Variants in TMC2 observed in about 807,000 individuals in gnomAD.
TMC2 encodes transmembrane channel-like protein 2.
Under a neutral mutation model 105.9 loss-of-function variants are expected in TMC2, and 102 were observed. The observed-to-expected ratio is 0.96, with a 90% CI of 0.82 to 1.14. The LOEUF is 1.14. Among genes scored for constraint, TMC2 ranks in the 50% most tolerant of loss-of-function variants. The probability of loss-of-function intolerance (pLI) is 0.00; values close to 1 mark genes in which losing one functional copy is unlikely to be tolerated. For missense variants in TMC2, 1,093 were observed against 1,134.3 expected, an observed-to-expected ratio of 0.96 and a Z score of 0.52; for synonymous variants, 402 against 422.8, an observed-to-expected ratio of 0.95 and a Z score of 0.60.
At chr20:2,594,330 T>C (rs1007743313) in intron 8 of TMC2, among the ~76,000 whole-genome samples, 3 of 149,038 alleles carry the variant, frequency 2.0e-5, no homozygotes, top group Non-Finnish European at 4.4e-5. Context: ...CAGGTTCAAG[T>C]GATTCTCCTG....
intron 2 of TMC2, among the ~76,000 whole-genome samples, chr20:2,537,839 A>T (rs1443382804): frequency 6.6e-6 from 1 of 152,062 alleles, no homozygotes; most frequent in African/African-American, 2.4e-5. Flanking sequence ...CTTGGTTGAG[A>T]CTGAGGGTTC....
intron 2 of TMC2, among the ~76,000 whole-genome samples, chr20:2,542,306 C>T (rs917296796): frequency 6.6e-6 from 1 of 152,032 alleles, no homozygotes; most frequent in Non-Finnish European, 1.5e-5. Flanking sequence ...AAAGGAAAAG[C>T]GTTTTGGGGC....
At chr20:2,579,908 T>C (rs745805017) in intron 6 of TMC2, 42 bp from the exon 7 acceptor site, 19 of 1,367,298 alleles carry the variant, frequency 1.4e-5, no homozygotes, top group Non-Finnish European at 1.9e-5. Context: ...GTCCATTTTT[T>C]CCTTCTGCAG....
At chr20:2,572,315 C>T (rs749905103) in intron 5 of TMC2, 46 bp downstream of exon 5, 9 of 1,490,794 alleles carry the variant, frequency 6.0e-6, no homozygotes, top group Non-Finnish European at 8.4e-6. Context: ...GCTTGCTCAG[C>T]TTTGGAATCT....
Position 2,544,896 on chromosome 20 carries a change from C to T in TMC2, c.82+7580C>T, listed in dbSNP as rs558937522. 2.0e-5 allele frequency among the ~76,000 whole-genome samples: 3 copies of T among 151,982 alleles called. No homozygotes were observed. The South Asian group carries it at 6.2e-4, about 32-fold the overall frequency. ...ACAACACTGCAAGACTCCATCTCTA[C>T]AAAAAAATTTAAAAATTAGCCAGGC... is the stretch of plus-strand genomic sequence containing the variant. On this transcript the variant is annotated intron_variant, in intron 2 of 19. Coordinates refer to ENST00000358864, the MANE Select transcript of TMC2 (RefSeq NM_080751.3).
chr20:2,609,961 C>T (rs974406916), intron 11 of TMC2, among the ~76,000 whole-genome samples: 1 of 152,234 alleles, frequency 6.6e-6, no homozygotes, highest in Non-Finnish European at 1.5e-5. Context: ...AATTCTCCTG[C>T]CTCAGCCTCC....
chr20:2,608,300 TTTA>T (rs61608674), intron 11 of TMC2, among the ~76,000 whole-genome samples: 5,170 of 134,536 alleles, frequency 0.038, 116 homozygotes, highest in African/African-American at 0.059. Flanking sequence ...CTTATTTTTA[TTTA>T]TTATTATTAT....
chr20:2,617,202 T>G lies in TMC2; in HGVS notation c.2071T>G (p.Ser691Ala), dbSNP rs1057297061. ...PHERVFKASR[S>A]NNFYMGLLLL... is the part of the protein sequence containing the mutation. ...TGAACGCGTGTTCAAAGCCTCCCGA[T>G]CCAACAACTTCTACATGGGCCTCCT... is the stretch of plus-strand genomic sequence containing the variant. The change falls in exon 16 of 20, where the codon TCC becomes GCC. Residue 691 changes from serine (S) to alanine (A), a missense_variant. Coordinates refer to ENST00000358864, the MANE Select transcript of TMC2 (RefSeq NM_080751.3). The G allele has an allele frequency of 1.2e-6, 2 of 1,614,200 alleles. No homozygotes were observed. Among genetic ancestry groups the G allele is most frequent in the Non-Finnish European group, 8.5e-7 (1 of 1,180,036 alleles).
At chr20:2,591,688 A>C (rs1166669418) in intron 7 of TMC2, among the ~76,000 whole-genome samples, 5 of 152,108 alleles carry the variant, frequency 3.3e-5, no homozygotes, top group African/African-American at 1.2e-4. Flanking sequence ...AGCCTAGGTG[A>C]TGAAGTGAGA....
chr20:2,612,279 G>C lies in TMC2; in HGVS notation c.1682G>C (p.Arg561Pro). 1 of 1,612,416 alleles carries C rather than the reference G, an allele frequency of 6.2e-7. No individual in the cohort carries two copies. Among genetic ancestry groups the C allele is most frequent in the African/African-American group, 1.3e-5 (1 of 75,032 alleles). The change falls in exon 13 of 20, where the codon CGA (arginine) becomes CCA (proline). Residue 561 changes from arginine to proline, a missense_variant. By Grantham distance (103) the Arg-to-Pro change is moderately radical (BLOSUM62 -2). Transcript: ENST00000358864. ...TCTGGTTGGAACGAGAGTGTCCCCC[G>C]ACCACCCCTGCACCCTGCAGATGTG... is the stretch of plus-strand genomic sequence containing the variant. ...NSSGWNESVP[R>P]PPLHPADVPR...
In TMC2 at chr20:2,631,705, G is replaced by GT. The variant is rs56986596; in HGVS notation, c.2307-4211dup. 1.9e-4 allele frequency among the ~76,000 whole-genome samples: 27 copies of GT among 145,512 alleles called. 1 individual carries two copies. Among genetic ancestry groups the GT allele is most frequent in the Non-Finnish European group, 2.0e-4 (13 of 66,654 alleles). On this transcript the variant is annotated intron_variant, in intron 17 of 19. Transcript: ENST00000358864. The stretch of plus-strand genomic sequence containing the variant: ...CTGGATTCTCTCTTTGACTATGGCT[G>GT]TTTTTTTTTTCAATTTGCTATGATA...
intron 10 of TMC2, among the ~76,000 whole-genome samples, chr20:2,599,974 A>G (rs986245429): frequency 6.6e-6 from 1 of 152,198 alleles, no homozygotes; most frequent in African/African-American, 2.4e-5. Flanking sequence ...TGGGTTTCCC[A>G]GCCCTAGAGC....
intron 2 of TMC2, among the ~76,000 whole-genome samples, chr20:2,545,819 G>GAGGA (rs1555769955): frequency 7.6e-4 from 47 of 62,034 alleles, no homozygotes; most frequent in African/African-American, 5.0e-3. Flanking sequence ...AGAAGAGGAA[G>GAGGA]AGGAAGAAAG....
chr20:2,538,239 G>A (rs142952169), intron 2 of TMC2, among the ~76,000 whole-genome samples: 10 of 152,294 alleles, frequency 6.6e-5, no homozygotes, highest in African/African-American at 1.9e-4. Flanking sequence ...CCCAGGAGCA[G>A]GAGGCAAGGA....
rs189950691 is a variant in TMC2, at chr20:2,639,576, C to A, written c.2504-1558C>A. ...GTAAGTACATTCTATGATGGTCACA[C>A]AACAACAAAATCACCTAATGATGCA... On this transcript the variant is annotated intron_variant, in intron 19 of 19. Transcript: ENST00000358864. 2.0e-5 allele frequency among the ~76,000 whole-genome samples: 3 copies of A among 152,264 alleles called. No individual in the cohort carries two copies. The East Asian group carries it at 5.8e-4, about 29-fold the overall frequency.
chr20:2,631,178 G>T (rs6050698), intron 17 of TMC2, among the ~76,000 whole-genome samples: 93,334 of 151,920 alleles, frequency 0.61, 29,036 homozygotes, highest in East Asian at 0.85. Flanking sequence ...AATTATAATA[G>T]TATACAAAAA....
At chr20:2,637,821 C>T (rs1012269173) in intron 19 of TMC2, among the ~76,000 whole-genome samples, 4 of 152,138 alleles carry the variant, frequency 2.6e-5, no homozygotes, top group African/African-American at 9.7e-5. Context: ...GAATTCCTGG[C>T]ACAGAGAATG....
chr20:2,551,701 T>C (rs1243863278), intron 2 of TMC2, among the ~76,000 whole-genome samples: 1 of 152,206 alleles, frequency 6.6e-6, no homozygotes, highest in Non-Finnish European at 1.5e-5. Flanking sequence ...TATCTAGATT[T>C]TTGGTTTTGG....
chr20:2,617,644 T>C, intron 16 of TMC2: 1 of 342,682 alleles, frequency 2.9e-6, no homozygotes, highest in South Asian at 3.0e-5. Flanking sequence ...ACATGTGATA[T>C]TTGGATACAT....
Sources: allele counts gnomAD v4.1 joint callset (sites outside exome capture counted in the v4.1 genomes callset), GRCh38; gene constraint gnomAD v4.1.1; transcripts MANE v1.5; gene names NCBI Gene and HGNC (gene_info 2026-07-23, HGNC 2026-07-21).